The following NKAIN3 variants were observed in gnomAD, a reference collection of about 807,000 sequenced individuals.
NKAIN3 encodes sodium/potassium-transporting ATPase subunit beta-1-interacting protein 3.
NKAIN3 carries 25 observed loss-of-function variants against 30.2 expected under a neutral mutation model. That is an observed-to-expected ratio of 0.83 (90% CI 0.60 to 1.16). NKAIN3 has a LOEUF of 1.16. Ranked by LOEUF, NKAIN3 falls within the 50% of genes most tolerant of loss-of-function variation. The pLI, the probability that NKAIN3 is intolerant of heterozygous loss-of-function variation, is 0.00. For synonymous variants in NKAIN3, 91 were observed against 89.6 expected (o/e 1.02, Z -0.09); for missense variants, 225 against 254.1 (o/e 0.89, Z 0.78).
At chr8:62,585,406 T>C (rs1306604291) in intron 2 of NKAIN3, among the ~76,000 whole-genome samples, 14 of 152,190 alleles carry the variant, frequency 9.2e-5, no homozygotes, top group Non-Finnish European at 1.9e-4. Flanking sequence ...CACATAGTAC[T>C]CCTTTACTCA....
chr8:62,334,282 C>T (rs968481652), intron 1 of NKAIN3, among the ~76,000 whole-genome samples: 8 of 152,022 alleles, frequency 5.3e-5, no homozygotes, highest in Non-Finnish European at 1.2e-4. Context: ...ATCAAGATGT[C>T]GGCAGAGCCA....
chr8:62,792,481 T>A (rs1817728857), intron 4 of NKAIN3, among the ~76,000 whole-genome samples: 1 of 6,700 alleles, frequency 1.5e-4, no homozygotes, highest in African/African-American at 4.1e-4. Flanking sequence ...TTCATTTTCT[T>A]GGCTATAATT....
At chr8:62,996,880 T>C (rs1804128589) in intron 5 of NKAIN3, among the ~76,000 whole-genome samples, 1 of 152,194 alleles carries the variant, frequency 6.6e-6, no homozygotes, top group South Asian at 2.1e-4. Context: ...CAGCTCCTCC[T>C]CTGTAGCTCT....
At chr8:62,586,094 G>A (rs1403911981) in intron 2 of NKAIN3, among the ~76,000 whole-genome samples, 1 of 152,186 alleles carries the variant, frequency 6.6e-6, no homozygotes, top group African/African-American at 2.4e-5. Context: ...AAAGGGTCAA[G>A]TGAATTTGAA....
chr8:62,749,728 G>C (rs1241996558), intron 4 of NKAIN3, among the ~76,000 whole-genome samples: 1 of 139,350 alleles, frequency 7.2e-6, no homozygotes, highest in African/African-American at 2.6e-5. Context: ...TGTTGCCCAG[G>C]CTGGAGCGTA....
chr8:62,626,383 T>C (rs903432776), intron 3 of NKAIN3, among the ~76,000 whole-genome samples: 40 of 152,076 alleles, frequency 2.6e-4, no homozygotes, highest in African/African-American at 4.8e-5. Context: ...AATCCAGAGA[T>C]CATTCTTACC....
intron 5 of NKAIN3, among the ~76,000 whole-genome samples, chr8:62,938,585 G>A (rs1397670436): frequency 6.6e-6 from 1 of 151,456 alleles, no homozygotes; most frequent in Admixed American, 6.6e-5. Flanking sequence ...ACTCTTTGCA[G>A]ACACACCCCA....
chr8:62,727,467 A>G (rs1404313829), intron 3 of NKAIN3, among the ~76,000 whole-genome samples: 1 of 152,050 alleles, frequency 6.6e-6, no homozygotes, highest in Non-Finnish European at 1.5e-5. Context: ...ACAATAACAA[A>G]CTCCTAGAAC....
chr8:62,444,178 T>A (rs991133192), intron 1 of NKAIN3, among the ~76,000 whole-genome samples: 2 of 152,156 alleles, frequency 1.3e-5, no homozygotes, highest in African/African-American at 4.8e-5. Context: ...ATATATAATA[T>A]GTGAAGGACA....
At chr8:62,450,933 A>G (rs1318548981) in intron 1 of NKAIN3, among the ~76,000 whole-genome samples, 1 of 152,226 alleles carries the variant, frequency 6.6e-6, no homozygotes, top group African/African-American at 2.4e-5. Context: ...TTTGTAAGTG[A>G]GGAACAGATA....
intron 4 of NKAIN3, among the ~76,000 whole-genome samples, chr8:62,821,458 A>G (rs1176070608): frequency 1.3e-5 from 2 of 152,116 alleles, no homozygotes. Flanking sequence ...GAAGAAGGAG[A>G]AAGAGCAGTT....
chr8:62,757,110 A>T (rs1048925204), intron 4 of NKAIN3, among the ~76,000 whole-genome samples: 1 of 152,208 alleles, frequency 6.6e-6, no homozygotes. Context: ...TTAATAATTA[A>T]TCGAGCCAAC....
chr8:62,481,559 G>C (rs1245784049), intron 1 of NKAIN3, among the ~76,000 whole-genome samples: 1 of 152,166 alleles, frequency 6.6e-6, no homozygotes, highest in Non-Finnish European at 1.5e-5. Context: ...CCACCAGCTA[G>C]CACAGAGGCA....
chr8:62,410,693 C>T (rs938414524), intron 1 of NKAIN3, among the ~76,000 whole-genome samples: 16 of 151,848 alleles, frequency 1.1e-4, no homozygotes, highest in African/African-American at 3.4e-4. Flanking sequence ...ATAATTGATC[C>T]CCACAGAAAT....
intron 5 of NKAIN3, among the ~76,000 whole-genome samples, chr8:62,993,868 G>A (rs1804039087): frequency 6.6e-6 from 1 of 152,258 alleles, no homozygotes; most frequent in Admixed American, 6.5e-5. Context: ...TTTCTGCCCT[G>A]TAAAAGCAAG....
intron 3 of NKAIN3, among the ~76,000 whole-genome samples, chr8:62,701,009 T>C (rs576404562): frequency 4.6e-5 from 7 of 152,340 alleles, no homozygotes; most frequent in South Asian, 2.1e-4. Flanking sequence ...ACATAGCTAG[T>C]CTTTTCTCTT....
intron 3 of NKAIN3, among the ~76,000 whole-genome samples, chr8:62,651,144 A>C (rs918477722): frequency 3.3e-5 from 5 of 152,064 alleles, no homozygotes; most frequent in Non-Finnish European, 5.9e-5. Flanking sequence ...CGAAAAGATA[A>C]AAGGATGCAT....
At chr8:62,778,755 CCT>C (rs1275579640) in intron 4 of NKAIN3, among the ~76,000 whole-genome samples, 2 of 148,180 alleles carry the variant, frequency 1.3e-5, no homozygotes, top group Non-Finnish European at 3.1e-5. Flanking sequence ...TTTACTCTTC[CCT>C]CTCTTTTCTC....
chr8:62,611,445 C>G (rs1563482868), intron 3 of NKAIN3, among the ~76,000 whole-genome samples: 1 of 152,110 alleles, frequency 6.6e-6, no homozygotes, highest in African/African-American at 2.4e-5. Context: ...CACTTCCCCC[C>G]ATCAGACTCC....
Sources: gnomAD v4.1 joint callset for allele counts (sites outside exome capture counted in the v4.1 genomes callset) on GRCh38, gnomAD v4.1.1 for gene constraint, MANE v1.5 for transcripts, NCBI Gene and HGNC (gene_info 2026-07-23, HGNC 2026-07-21) for gene names.